The following RYR3 variants were observed in gnomAD, a reference collection of about 807,000 sequenced individuals.
RYR3 encodes brain ryanodine receptor-calcium release channel.
In RYR3, 207 loss-of-function variants were observed where a neutral mutation model predicts 584.3. The observed-to-expected ratio is 0.35, with a 90% CI of 0.32 to 0.40. RYR3 has a LOEUF of 0.40. RYR3 is among the 10% of genes least tolerant of loss of function. The probability of loss-of-function intolerance (pLI) is 1.00; values close to 1 mark genes in which losing one functional copy is unlikely to be tolerated. For synonymous variants in RYR3, 2,416 were observed against 2,248.5 expected, an observed-to-expected ratio of 1.07 and a Z score of -2.11; for missense variants, 5,616 against 6,089.2, an observed-to-expected ratio of 0.92 and a Z score of 2.59.
chr15:33,475,152 C>T (rs1037911029), intron 2 of RYR3, among the ~76,000 whole-genome samples: 4 of 152,158 alleles, frequency 2.6e-5, no homozygotes, highest in African/African-American at 9.7e-5. Flanking sequence ...ATGAGCTACT[C>T]ATGTGACCGT....
intron 2 of RYR3, among the ~76,000 whole-genome samples, chr15:33,485,857 G>A (rs1365494927): frequency 6.6e-6 from 1 of 152,200 alleles, no homozygotes; most frequent in African/African-American, 2.4e-5. Context: ...AAAGAGTTGA[G>A]GAGATTGGAC....
chr15:33,563,923 A>G (rs899013755), intron 11 of RYR3, among the ~76,000 whole-genome samples: 20 of 152,342 alleles, frequency 1.3e-4, no homozygotes, highest in African/African-American at 4.3e-4. Flanking sequence ...TCTGGCTTGT[A>G]TGAGACCAAC....
chr15:33,632,872 G>A (rs2061335308), intron 23 of RYR3, 77 bp from the exon 24 acceptor site: 7 of 1,291,472 alleles, frequency 5.4e-6, no homozygotes, highest in Non-Finnish European at 7.7e-6. Context: ...TTCTTACCAT[G>A]TGCTCTTGGT....
rs375573343 is a variant in RYR3, at chr15:33,510,649, G to A, written c.279+6911G>A. Among the ~76,000 whole-genome samples, 560 of 150,584 alleles carry A rather than the reference G, an allele frequency of 3.7e-3. 2 individuals carry two copies. Among genetic ancestry groups the A allele is most frequent in the African/African-American group, 0.013 (530 of 40,990 alleles). On this transcript the variant is annotated intron_variant, in intron 3 of 103. Transcript: ENST00000634891. The stretch of plus-strand genomic sequence containing the variant: ...CTGTGAATTTTCTCGTGGAATTTTA[G>A]GGGACATATCATGTATATTTGACAG...
rs186497190 is a variant in RYR3 at position 33,596,536 on chromosome 15, T to A, written c.1789-4883T>A. Among the ~76,000 whole-genome samples the A allele has an allele frequency of 1.1e-4, 17 of 152,132 alleles. No homozygotes were observed. In the East Asian group the frequency reaches 3.3e-3, roughly 29 times the overall value. ...CTGACTTCTTTTTATTTATTTATTT[T>A]AAGTGGATGAATAATACTTGTACAT... On this transcript the variant is annotated intron_variant, in intron 16 of 103. Transcript: ENST00000634891.
chr15:33,642,302 G>C (rs980904159), intron 27 of RYR3, among the ~76,000 whole-genome samples: 5 of 152,220 alleles, frequency 3.3e-5, no homozygotes, highest in Non-Finnish European at 5.9e-5. Flanking sequence ...GAATGGAATA[G>C]AGAGGTTTTC....
rs78528049 is a variant in RYR3 at position 33,682,072 on chromosome 15, G to C, written c.5860+11516G>C. Among the ~76,000 whole-genome samples, 24 of 152,306 alleles carry C rather than the reference G, an allele frequency of 1.6e-4. No individual in the cohort carries two copies. The East Asian group carries it at 4.6e-3, about 29-fold the overall frequency. ...AAGTGACCTTTCCTTTATGGTAGTT[G>C]GCATTGCAAAGCTGGTTATTTTACC... is the stretch of plus-strand genomic sequence containing the variant. On this transcript the variant is annotated intron_variant, in intron 38 of 103. Transcript: ENST00000634891.
chr15:33,616,141 T>C (rs2060437672), intron 19 of RYR3, among the ~76,000 whole-genome samples: 1 of 152,130 alleles, frequency 6.6e-6, no homozygotes, highest in African/African-American at 2.4e-5. Context: ...TCAAAGGGAG[T>C]ACACCTATTT....
At chr15:33,840,609 G>A in intron 89 of RYR3, 1 of 593,878 alleles carries the variant, frequency 1.7e-6, no homozygotes, top group Non-Finnish European at 3.0e-6. Flanking sequence ...TTATAGAAGG[G>A]AGGTTGAGTT....
intron 57 of RYR3, among the ~76,000 whole-genome samples, chr15:33,750,510 TACATACCTTAA>T (rs1299570916): frequency 1.3e-5 from 2 of 152,244 alleles, no homozygotes; most frequent in Non-Finnish European, 2.9e-5. Context: ...AAATTATACC[TACATACCTTAA>T]ACATTTCATT....
intron 102 of RYR3, among the ~76,000 whole-genome samples, chr15:33,863,813 T>C (rs1889417051): frequency 6.6e-6 from 1 of 152,200 alleles, no homozygotes; most frequent in South Asian, 2.1e-4. Flanking sequence ...TGGTAAGAAT[T>C]TGGGCTACCA....
chr15:33,569,229 G>C (rs1045884560), intron 12 of RYR3, among the ~76,000 whole-genome samples: 1 of 152,152 alleles, frequency 6.6e-6, no homozygotes, highest in African/African-American at 2.4e-5. Context: ...TGAAATTGCT[G>C]AGTCACATAT....
rs553509131 is a variant in RYR3, at chr15:33,467,361, TG to T, written c.52-6057del. ...CCTTAAATAGGGCTGTCAGCCATTT[TG>T]TTTTGTTCCAGAGAGTTCCTCACAG... On this transcript the variant is annotated intron_variant, in intron 1 of 103. Transcript: ENST00000634891. 14 of 308,846 alleles carry T rather than the reference TG, an allele frequency of 4.5e-5. No individual in the cohort carries two copies. In the East Asian group the frequency reaches 2.2e-3, roughly 49 times the overall value. The allele number at this position is 308,846 out of a possible 1,614,324, so 19.1% of individuals were successfully genotyped here. A position where few individuals can be genotyped will look rare whatever the true frequency, so the allele number is the denominator to read the frequency against.
Position 33,653,409 on chromosome 15 carries a change from T to C in RYR3, c.4308+526T>C, listed in dbSNP as rs1279496913. Reference sequence around the variant, plus strand: ...TTTATAGGCCAGGCGCAGTGGCTCATGCCTGTAATCCCAGCACTTTGGGAG... The same window carrying C: ...TTTATAGGCCAGGCGCAGTGGCTCACGCCTGTAATCCCAGCACTTTGGGAG... On this transcript the variant is annotated intron_variant, in intron 32 of 103. Coordinates refer to ENST00000634891, the MANE Select transcript of RYR3 (RefSeq NM_001036.6). Among the ~76,000 whole-genome samples the C allele has an allele frequency of 2.6e-5, 4 of 152,170 alleles. No homozygotes were observed. The East Asian group carries it at 5.8e-4, about 22-fold the overall frequency.
At chr15:33,465,681 A>G in intron 1 of RYR3, 1 of 518,878 alleles carries the variant, frequency 1.9e-6, no homozygotes, top group Admixed American at 1.9e-5. Flanking sequence ...TGTGGAGGAC[A>G]GCAGTGAGAA....
At position 33,837,870 on chromosome 15, in the gene RYR3, T is replaced by G; in HGVS notation, c.11890T>G (p.Ser3964Ala). The part of the protein sequence containing the change: ...YTQSEIDFLL[S>A]CAEADENDMF... ...GCAGTCAGAGATTGACTTTCTCCTG[T>G]CGTGTGCAGAAGCTGATGAGAATGA... The change falls in exon 89 of 104, where the codon TCG becomes GCG. Residue 3964 changes from serine (S) to alanine (A), a missense_variant. This residue lies in a region of RYR3 where 258 missense variants were observed against 297.3 expected (regional missense o/e 0.87). Transcript: ENST00000634891. 1.2e-6 allele frequency: 2 copies of G among 1,613,998 alleles called. No homozygotes were observed. Among genetic ancestry groups the G allele is most frequent in the Non-Finnish European group, 1.7e-6 (2 of 1,179,892 alleles).
At position 33,630,833 on chromosome 15, in the gene RYR3, G is replaced by A. The variant is rs893768402; in HGVS notation, c.2784-377G>A. 1.8e-4 allele frequency among the ~76,000 whole-genome samples: 27 copies of A among 152,208 alleles called. 1 individual carries two copies. Among genetic ancestry groups the A allele is most frequent in the Admixed American group, 1.4e-3 (21 of 15,280 alleles). On this transcript the variant is annotated intron_variant, in intron 22 of 103. Coordinates refer to ENST00000634891, the MANE Select transcript of RYR3 (RefSeq NM_001036.6). ...AAATAGAAAAATGTCTCCAAGAGGG[G>A]CAATTAACAAATTTCTCTTCTGTAA...
At chr15:33,620,724 T>C (rs2060684975) in intron 19 of RYR3, among the ~76,000 whole-genome samples, 1 of 152,216 alleles carries the variant, frequency 6.6e-6, no homozygotes, top group Non-Finnish European at 1.5e-5. Flanking sequence ...CCTTCAATAT[T>C]TGTGGCGGTT....
Position 33,696,195 on chromosome 15 carries a change from G to C in RYR3, c.5861-23G>C. The C allele has an allele frequency of 2.5e-6, 4 of 1,606,832 alleles. 1 individual carries two copies. The South Asian group carries it at 4.4e-5, about 18-fold the overall frequency. On this transcript the variant is annotated intron_variant, in intron 38 of 103. Coordinates refer to ENST00000634891, the MANE Select transcript of RYR3 (RefSeq NM_001036.6). ...CCTGAGCCATGACAGCCACAGTCCT[G>C]CTCCCTCCTGTTGTCCTTCCAGCAA...
Sources: gnomAD v4.1 joint callset for allele counts (sites outside exome capture counted in the v4.1 genomes callset) on GRCh38, gnomAD v4.1.1 for gene constraint, gnomAD v4.1.1 regional missense constraint, MANE v1.5 for transcripts, NCBI Gene and HGNC (gene_info 2026-07-23, HGNC 2026-07-21) for gene names.